The following SEL1L2 variants were observed in gnomAD, a reference collection of about 807,000 sequenced individuals.
SEL1L2 encodes protein sel-1 homolog 2.
A neutral mutation model predicts 98.8 loss-of-function variants in SEL1L2; 89 were observed. The observed-to-expected ratio is 0.90, with a 90% confidence interval of 0.76 to 1.07. The LOEUF (loss-of-function observed/expected upper bound fraction) is 1.07, where lower values mean the gene tolerates loss of function less well. Ranked by LOEUF, SEL1L2 falls within the 50% of genes least tolerant of loss-of-function variation. The probability of loss-of-function intolerance (pLI) is 0.00; values close to 1 mark genes in which losing one functional copy is unlikely to be tolerated. For synonymous variants in SEL1L2, 262 were observed against 278.5 expected (o/e 0.94, Z 0.59); for missense variants, 788 against 812.0 (o/e 0.97, Z 0.36).
chr20:13,986,272 CCCGTTTTAAA>C lies in SEL1L2; in HGVS notation c.58+4195_58+4204del, dbSNP rs367815547. Reference sequence around the variant, plus strand: ...GTGAAATCCATATAACATAAAATTACCCGTTTTAAAGTGTGCAATTAAGTGACATTTAGTG... The same window carrying C: ...GTGAAATCCATATAACATAAAATTACGTGTGCAATTAAGTGACATTTAGTG... On this transcript the variant is annotated intron_variant, in intron 1 of 19. Coordinates refer to ENST00000284951, the MANE Select transcript of SEL1L2 (RefSeq NM_025229.2). 7.0e-3 allele frequency among the ~76,000 whole-genome samples: 1,062 copies of C among 152,222 alleles called. 13 individuals are homozygous for C. Among genetic ancestry groups the C allele is most frequent in the African/African-American group, 0.024 (1,003 of 41,518 alleles).
At chr20:13,855,464 T>C (rs1159529668) in intron 18 of SEL1L2, among the ~76,000 whole-genome samples, 2 of 152,198 alleles carry the variant, frequency 1.3e-5, no homozygotes, top group Non-Finnish European at 2.9e-5. Flanking sequence ...GTAAAGGTTA[T>C]ACTTTATCAA....
At chr20:13,850,416 C>G (rs762274359) in intron 18 of SEL1L2, 97 bp from the exon 19 acceptor site, 9 of 1,332,730 alleles carry the variant, frequency 6.8e-6, no homozygotes, top group Non-Finnish European at 9.5e-6. Flanking sequence ...GGTTACAGGT[C>G]TTAAGATAGG....
intron 13 of SEL1L2, 48 bp from the exon 14 acceptor site, chr20:13,869,638 A>C: frequency 7.0e-7 from 1 of 1,434,952 alleles, no homozygotes; most frequent in Non-Finnish European, 9.8e-7. Flanking sequence ...GTAAAACTCC[A>C]TGGAAACAAT....
intron 10 of SEL1L2, among the ~76,000 whole-genome samples, chr20:13,879,656 A>G (rs190243332): frequency 2.0e-5 from 3 of 152,240 alleles, no homozygotes; most frequent in Admixed American, 6.5e-5. Context: ...CCTAGACGTA[A>G]GGATTTTACT....
intron 2 of SEL1L2, among the ~76,000 whole-genome samples, chr20:13,950,841 A>T (rs555467888): frequency 9.2e-5 from 14 of 152,296 alleles, no homozygotes; most frequent in South Asian, 2.1e-4. Context: ...ATCCTGAACC[A>T]ATATAAGTGG....
At chr20:13,985,700 A>G (rs1296297359) in intron 1 of SEL1L2, among the ~76,000 whole-genome samples, 1 of 152,138 alleles carries the variant, frequency 6.6e-6, no homozygotes, top group African/African-American at 2.4e-5. Flanking sequence ...TCCCTCTACA[A>G]TTCAATGGCC....
chr20:13,861,589 A>G (rs1183842225), intron 17 of SEL1L2, among the ~76,000 whole-genome samples: 3 of 152,202 alleles, frequency 2.0e-5, no homozygotes, highest in Non-Finnish European at 4.4e-5. Flanking sequence ...AGAGATGTAC[A>G]AGCATTACCA....
intron 3 of SEL1L2, among the ~76,000 whole-genome samples, chr20:13,923,623 A>G (rs142881248): frequency 1.0e-3 from 159 of 152,304 alleles, no homozygotes; most frequent in African/African-American, 3.6e-3. Flanking sequence ...GCATAGTGGC[A>G]CGTGCCTGTA....
At chr20:13,980,344 T>C (rs1203705985) in intron 1 of SEL1L2, among the ~76,000 whole-genome samples, 2 of 152,300 alleles carry the variant, frequency 1.3e-5, no homozygotes, top group African/African-American at 4.8e-5. Flanking sequence ...GGCTCCCAAG[T>C]AGCTGGGATT....
intron 18 of SEL1L2, among the ~76,000 whole-genome samples, chr20:13,851,645 A>G (rs926952281): frequency 6.6e-6 from 1 of 151,884 alleles, no homozygotes; most frequent in East Asian, 1.9e-4. Flanking sequence ...GAGTGACCGT[A>G]GACAAGGTGG....
intron 2 of SEL1L2, among the ~76,000 whole-genome samples, chr20:13,944,683 A>G (rs757900676): frequency 3.3e-5 from 5 of 152,242 alleles, no homozygotes; most frequent in African/African-American, 7.2e-5. Context: ...TGCAGGTTAC[A>G]GCTGCTGGTA....
intron 2 of SEL1L2, among the ~76,000 whole-genome samples, chr20:13,955,491 G>A (rs1453034038): frequency 6.6e-6 from 1 of 152,054 alleles, no homozygotes; most frequent in East Asian, 1.9e-4. Flanking sequence ...ACATCAAGAA[G>A]ACAGTAGTAG....
intron 13 of SEL1L2, 134 bp from the exon 14 acceptor site, chr20:13,869,724 TA>T: frequency 1.7e-6 from 1 of 599,492 alleles, no homozygotes; most frequent in East Asian, 2.8e-5. Flanking sequence ...TCAGAAACAT[TA>T]TATATTTTAT....
rs527348808 is a variant in SEL1L2 at position 13,904,553 on chromosome 20, A to G, written c.549+9229T>C. 7.2e-5 allele frequency among the ~76,000 whole-genome samples: 11 copies of G among 152,078 alleles called. No homozygotes were observed. In the South Asian group the frequency reaches 2.3e-3, roughly 32 times the overall value. On this transcript the variant is annotated intron_variant, in intron 5 of 19. Transcript: ENST00000284951. ...AAAATAAACAAACAAATAAATATATATATATAAATAAATACTCTCTGATTC... is the reference window on the plus strand; with the variant it reads ...AAAATAAACAAACAAATAAATATATGTATATAAATAAATACTCTCTGATTC...
chr20:13,893,415 G>C (rs1453625557), intron 5 of SEL1L2, among the ~76,000 whole-genome samples: 2 of 152,150 alleles, frequency 1.3e-5, no homozygotes, highest in Non-Finnish European at 2.9e-5. Flanking sequence ...TGTCCTAAGA[G>C]ACAAAGAAGA....
chr20:13,896,600 A>G (rs763479369), intron 5 of SEL1L2, among the ~76,000 whole-genome samples: 1 of 152,216 alleles, frequency 6.6e-6, no homozygotes, highest in Non-Finnish European at 1.5e-5. Context: ...GTACCTATAT[A>G]CTAGCAACGA....
chr20:13,983,672 C>G (rs1371823291), intron 1 of SEL1L2, among the ~76,000 whole-genome samples: 1 of 151,982 alleles, frequency 6.6e-6, no homozygotes, highest in Non-Finnish European at 1.5e-5. Flanking sequence ...CAGGCATGCA[C>G]CACCACGCCC....
chr20:13,888,637 T>C (rs80252164), intron 5 of SEL1L2, 125 bp from the exon 6 acceptor site: 4 of 321,932 alleles, frequency 1.2e-5, no homozygotes, highest in Admixed American at 5.8e-5. Context: ...TTCTTTCTCT[T>C]TTTTTTTTTT....
At chr20:13,920,719 T>C (rs778782969) in intron 3 of SEL1L2, among the ~76,000 whole-genome samples, 1 of 152,234 alleles carries the variant, frequency 6.6e-6, no homozygotes, top group African/African-American at 2.4e-5. Context: ...ATTTGGGATT[T>C]GATGCCTCAT....
Sources: allele counts gnomAD v4.1 joint callset (sites outside exome capture counted in the v4.1 genomes callset), GRCh38; gene constraint gnomAD v4.1.1; transcripts MANE v1.5; gene names NCBI Gene and HGNC (gene_info 2026-07-23, HGNC 2026-07-21).